ASAP1: variants seen among roughly 807,000 people sequenced by gnomAD.
ASAP1 encodes arf-GAP with SH3 domain, ANK repeat and PH domain-containing protein 1.
Under a neutral mutation model 145.2 loss-of-function variants are expected in ASAP1, and 43 were observed. The observed-to-expected ratio is 0.30, with a 90% CI of 0.23 to 0.38. The LOEUF (loss-of-function observed/expected upper bound fraction) is 0.38. Among genes scored for constraint, ASAP1 ranks in the 10% least tolerant of loss-of-function variants. The probability of loss-of-function intolerance (pLI) is 1.00; values close to 1 mark genes in which losing one functional copy is unlikely to be tolerated. For synonymous variants in ASAP1, 546 were observed against 515.5 expected (o/e 1.06, Z -0.80); for missense variants, 1,018 against 1,355.3 (o/e 0.75, Z 3.91).
rs369359437 is a variant in ASAP1, at chr8:130,066,143, G to C, written c.2702-5074C>G. ...TCATTATAGATTAGTAAGAATGACA[G>C]AGGTATTTCCTTTGCCTTCCCAATA... On this transcript the variant is annotated intron_variant, in intron 27 of 29. Transcript: ENST00000518721. Among the ~76,000 whole-genome samples, 58 of 152,208 alleles carry C rather than the reference G, an allele frequency of 3.8e-4. 1 individual carries two copies. The highest frequency in any genetic ancestry group is 1.4e-3 in the African/African-American group (56 of 41,472).
At chr8:130,171,533 C>A (rs771340842) in intron 9 of ASAP1, among the ~76,000 whole-genome samples, 1 of 152,116 alleles carries the variant, frequency 6.6e-6, no homozygotes, top group Non-Finnish European at 1.5e-5. Context: ...GGGGAAACTG[C>A]CCCCATGACT....
intron 3 of ASAP1, among the ~76,000 whole-genome samples, chr8:130,264,546 T>C (rs569166909): frequency 6.6e-6 from 1 of 152,390 alleles, no homozygotes; most frequent in East Asian, 1.9e-4. Flanking sequence ...TGTCTCTCCT[T>C]TCTTGATCAA....
intron 3 of ASAP1, among the ~76,000 whole-genome samples, chr8:130,282,963 T>C (rs1317933351): frequency 2.0e-5 from 3 of 152,234 alleles, no homozygotes; most frequent in Admixed American, 2.0e-4. Context: ...TAGCTGGCTT[T>C]TGCCAATTGG....
At chr8:130,196,203 G>A (rs1815476901) in intron 5 of ASAP1, among the ~76,000 whole-genome samples, 1 of 152,156 alleles carries the variant, frequency 6.6e-6, no homozygotes, top group South Asian at 2.1e-4. Flanking sequence ...TTAGCCAGGT[G>A]TGTTGGCAGG....
chr8:130,373,462 T>C (rs1013864468), intron 2 of ASAP1, among the ~76,000 whole-genome samples: 1 of 152,130 alleles, frequency 6.6e-6, no homozygotes, highest in African/African-American at 2.4e-5. Flanking sequence ...TAATACACCA[T>C]TCCACAAAAA....
chr8:130,135,438 C>T (rs1013641347), intron 14 of ASAP1, among the ~76,000 whole-genome samples: 1 of 152,064 alleles, frequency 6.6e-6, no homozygotes, highest in Non-Finnish European at 1.5e-5. Flanking sequence ...TGAGCTGCGA[C>T]TGAACCACTG....
At position 130,079,961 on chromosome 8, in the gene ASAP1, C is replaced by T; in HGVS notation, c.2583G>A (p.Gly861=). Residue 861 remains glycine, a synonymous_variant, in exon 26 of 30, where the codon GGG becomes GGA. Coordinates refer to ENST00000518721, the MANE Select transcript of ASAP1 (RefSeq NM_018482.4). ...TAGTCTTACTTGAAGAGGATGGACC[C>T]CCATCGTTACCTACAAGGAAAACCG... ...NKGAVPWGND[G]GPSSSSKTTN... 3 of 1,613,974 alleles carry T rather than the reference C, an allele frequency of 1.9e-6. No homozygotes were observed. The highest frequency in any genetic ancestry group is 2.5e-6 in the Non-Finnish European group (3 of 1,179,906).
Position 130,060,880 on chromosome 8 carries a change from G to C in ASAP1, c.2891C>G (p.Pro964Arg), listed in dbSNP as rs1564914480. The change falls in exon 28 of 30, where the codon CCC becomes CGC. Residue 964 changes from proline (P) to arginine (R), a missense_variant. Coordinates refer to ENST00000518721, the MANE Select transcript of ASAP1 (RefSeq NM_018482.4). ...DLPPKPGELP[P>R]KPQLGDLPPK... is the part of the protein sequence containing the mutation. ...TGGCAGGTCCCCCAGCTGTGGTTTG[G>C]GGGGCAGTTCTCCTGGCTTAGGCGG... The C allele has an allele frequency of 6.2e-7, 1 of 1,613,762 alleles. No homozygotes were observed. Among genetic ancestry groups the C allele is most frequent in the African/African-American group, 1.3e-5 (1 of 74,848 alleles).
At chr8:130,130,694 C>T (rs1425371913) in intron 15 of ASAP1, among the ~76,000 whole-genome samples, 1 of 152,164 alleles carries the variant, frequency 6.6e-6, no homozygotes, top group African/African-American at 2.4e-5. Context: ...ATCCTGCAAT[C>T]GAGGTATATA....
intron 3 of ASAP1, among the ~76,000 whole-genome samples, chr8:130,302,311 G>A (rs1349750882): frequency 6.6e-6 from 1 of 152,210 alleles, no homozygotes; most frequent in Non-Finnish European, 1.5e-5. Flanking sequence ...TTAGAAGGGG[G>A]TGAGTATGTC....
At chr8:130,079,543 A>G (rs1235490801) in intron 26 of ASAP1, among the ~76,000 whole-genome samples, 1 of 152,170 alleles carries the variant, frequency 6.6e-6, no homozygotes. Flanking sequence ...AAAGGAGTCA[A>G]GTGGAAAAGT....
chr8:130,435,935 G>C (rs1830296394), intron 1 of ASAP1, among the ~76,000 whole-genome samples: 1 of 152,148 alleles, frequency 6.6e-6, no homozygotes, highest in Admixed American at 6.5e-5. Flanking sequence ...AACACTTAGG[G>C]CCTTTGCTGA....
intron 3 of ASAP1, among the ~76,000 whole-genome samples, chr8:130,305,135 G>A (rs990465868): frequency 2.0e-5 from 3 of 152,102 alleles, no homozygotes; most frequent in African/African-American, 7.2e-5. Flanking sequence ...CTCCCCTCCT[G>A]CTACCACACT....
At chr8:130,123,751 C>G (rs866417364) in intron 18 of ASAP1, among the ~76,000 whole-genome samples, 3 of 152,060 alleles carry the variant, frequency 2.0e-5, no homozygotes, top group African/African-American at 4.8e-5. Flanking sequence ...CTCAGCCTCC[C>G]GAGTAGCTGG....
chr8:130,058,136 C>G, intron 28 of ASAP1, 60 bp from the exon 29 acceptor site: 1 of 1,583,536 alleles, frequency 6.3e-7, no homozygotes, highest in Non-Finnish European at 8.7e-7. Context: ...AAAAGAGCAG[C>G]GGTTCTTTGT....
intron 27 of ASAP1, among the ~76,000 whole-genome samples, chr8:130,065,351 CG>C (rs983460683): frequency 1.3e-5 from 2 of 152,154 alleles, no homozygotes; most frequent in Non-Finnish European, 1.5e-5. Flanking sequence ...TTGGCCTCCA[CG>C]GGTTTAGCTT....
intron 4 of ASAP1, among the ~76,000 whole-genome samples, chr8:130,234,048 T>C (rs1473406898): frequency 6.6e-6 from 1 of 152,184 alleles, no homozygotes; most frequent in Admixed American, 6.6e-5. Context: ...ATTCCTGTTT[T>C]TGTTTTTAAG....
rs184839329 is a variant in ASAP1, at chr8:130,371,317, A to G, written c.60-13174T>C. On this transcript the variant is annotated intron_variant, in intron 2 of 29. Transcript: ENST00000518721. Reference sequence around the variant, plus strand: ...AGAGTTAAGATTCAAACAGAAGTCTATCTAATTTCAAAGTTCAAGCCCTTT... The same window carrying G: ...AGAGTTAAGATTCAAACAGAAGTCTGTCTAATTTCAAAGTTCAAGCCCTTT... 1.6e-3 allele frequency among the ~76,000 whole-genome samples: 247 copies of G among 152,308 alleles called. 1 individual carries two copies. Among genetic ancestry groups the G allele is most frequent in the African/African-American group, 5.8e-3 (240 of 41,560 alleles).
intron 1 of ASAP1, among the ~76,000 whole-genome samples, chr8:130,442,977 C>T (rs946329741): frequency 6.6e-6 from 1 of 152,130 alleles, no homozygotes; most frequent in East Asian, 1.9e-4. Context: ...TTGCTTTAGG[C>T]AAGTGGCCTG....
Sources: gnomAD v4.1 joint callset for allele counts (sites outside exome capture counted in the v4.1 genomes callset) on GRCh38, gnomAD v4.1.1 for gene constraint, MANE v1.5 for transcripts, NCBI Gene and HGNC (gene_info 2026-07-23, HGNC 2026-07-21) for gene names.